Variants in TRMT1L observed in about 807,000 individuals in gnomAD.
TRMT1L encodes the protein tRNA (guanine(27)-N(2))-dimethyltransferase.
Under a neutral mutation model 81.6 loss-of-function variants are expected in TRMT1L, and 28 were observed. That is an observed-to-expected ratio of 0.34 (90% CI 0.25 to 0.47). The LOEUF is 0.47. Among genes scored for constraint, TRMT1L ranks in the 20% least tolerant of loss-of-function variants. TRMT1L has a pLI of 1.00. For missense variants in TRMT1L, 739 were observed against 877.1 expected (o/e 0.84, Z 1.99); for synonymous variants, 301 against 303.2 (o/e 0.99, Z 0.07).
chr1:185,156,053 G>A (rs1653533746), intron 1 of TRMT1L, among the ~76,000 whole-genome samples: 1 of 152,208 alleles, frequency 6.6e-6, no homozygotes, highest in South Asian at 2.1e-4. Flanking sequence ...GTTTAGAAAT[G>A]TTGGCAGCTA....
At chr1:185,145,602 C>A in intron 4 of TRMT1L, 34 bp from the exon 5 acceptor site, 2 of 1,599,602 alleles carry the variant, frequency 1.3e-6, no homozygotes, top group Non-Finnish European at 1.7e-6. Flanking sequence ...AAATAAGTTG[C>A]TAAGACAATG....
chr1:185,148,976 T>C (rs1286163515), intron 3 of TRMT1L, among the ~76,000 whole-genome samples: 1 of 152,216 alleles, frequency 6.6e-6, no homozygotes, highest in Non-Finnish European at 1.5e-5. Flanking sequence ...GCTCACATAA[T>C]CATATACAAA....
rs755911496 is a variant in TRMT1L at position 185,120,045 on chromosome 1, C to A, written c.2176G>T (p.Glu726Ter). The change falls in exon 15 of 15, where the codon GAA becomes TAA. Residue 726 changes from glutamate (E) to a stop codon, truncating the protein, a stop_gained. Transcript: ENST00000367506. LOFTEE classifies it high-confidence loss of function. ...TACCATCTTCTGCAGCCACTTGCTTCTGCTTTGTCATTCACTGACATTTCA... is the reference window on the plus strand; with the variant it reads ...TACCATCTTCTGCAGCCACTTGCTTATGCTTTGTCATTCACTGACATTTCA... ...RVEMSVNDKAEASGCRRW is the reference protein window; with the variant it reads ...RVEMSVNDKA 6.2e-7 allele frequency: 1 copy of A among 1,613,772 alleles called. No homozygotes were observed. Among genetic ancestry groups the A allele is most frequent in the East Asian group, 2.2e-5 (1 of 44,882 alleles).
chr1:185,120,611 T>G lies in TRMT1L; in HGVS notation c.1823-102A>C, dbSNP rs1242242293. 3.0e-6 allele frequency: 3 copies of G among 1,011,966 alleles called. No homozygotes were observed. In the African/African-American group the frequency reaches 5.0e-5, roughly 17 times the overall value. The allele number at this position is 1,011,966 out of a possible 1,614,324, so 62.7% of individuals were successfully genotyped here. ...CAAGTATAAATCCTGACACATTATT[T>G]CAACCTGACTATCCAATCTTAATTC... On this transcript the variant is annotated intron_variant, in intron 13 of 14. Transcript: ENST00000367506.
intron 1 of TRMT1L, among the ~76,000 whole-genome samples, 175 bp from the exon 2 acceptor site, chr1:185,152,110 G>C (rs1653373781): frequency 2.0e-5 from 3 of 152,178 alleles, no homozygotes; most frequent in Non-Finnish European, 2.9e-5. Flanking sequence ...TGAAAAGTTG[G>C]GGGGAGACCC....
intron 11 of TRMT1L, among the ~76,000 whole-genome samples, 191 bp from the exon 12 acceptor site, chr1:185,125,301 T>TA (rs1182960353): frequency 6.6e-6 from 1 of 152,122 alleles, no homozygotes. Flanking sequence ...TTTTTTGAGA[T>TA]AGAGTCCCGT....
chr1:185,121,509 T>A (rs1168937498), intron 13 of TRMT1L, among the ~76,000 whole-genome samples: 2 of 151,944 alleles, frequency 1.3e-5, no homozygotes, highest in African/African-American at 4.8e-5. Flanking sequence ...AAAATAAATA[T>A]AAATTATTGC....
intron 5 of TRMT1L, 83 bp from the exon 6 acceptor site, chr1:185,144,112 G>A (rs2102250275): frequency 2.4e-6 from 3 of 1,270,984 alleles, no homozygotes; most frequent in Non-Finnish European, 2.1e-6. Flanking sequence ...CAAAATAATT[G>A]TAAACATCTA....
chr1:185,152,636 G>A (rs1653391908), intron 1 of TRMT1L, among the ~76,000 whole-genome samples: 1 of 152,088 alleles, frequency 6.6e-6, no homozygotes, highest in Non-Finnish European at 1.5e-5. Flanking sequence ...GAGAAAATTA[G>A]CAATGGGAAG....
At chr1:185,120,329 CAAT>C in intron 14 of TRMT1L, 51 bp downstream of exon 14, 3 of 1,464,424 alleles carry the variant, frequency 2.0e-6, no homozygotes, top group South Asian at 1.6e-5. Context: ...ATTTAAATCA[CAAT>C]ATTATTAAAA....
chr1:185,126,571 TAAGATATAC>T (rs1239198215), intron 11 of TRMT1L, among the ~76,000 whole-genome samples: 1 of 152,200 alleles, frequency 6.6e-6, no homozygotes, highest in Non-Finnish European at 1.5e-5. Context: ...GTGATCAATA[TAAGATATAC>T]TAAAGGGAAT....
At chr1:185,157,432 T>C (rs1653692522), upstream of TRMT1L, 10 of 151,888 alleles carry the variant, frequency 6.6e-5, no homozygotes, top group Admixed American at 6.6e-4. Flanking sequence ...CACACGGACC[T>C]GGGCGGGGCG....
chr1:185,125,192 G>A (rs986020184), intron 11 of TRMT1L, 82 bp from the exon 12 acceptor site: 5 of 955,688 alleles, frequency 5.2e-6, no homozygotes, highest in Non-Finnish European at 7.4e-6. Context: ...TTAACTATAA[G>A]TAAGATATAT....
At chr1:185,149,663 G>A (rs540614235) in intron 3 of TRMT1L, among the ~76,000 whole-genome samples, 17 of 152,048 alleles carry the variant, frequency 1.1e-4, no homozygotes, top group Non-Finnish European at 7.4e-5. Context: ...ATGGATATGC[G>A]TATTTTTAAT....
At chr1:185,132,293 G>A (rs539021357) in intron 10 of TRMT1L, among the ~76,000 whole-genome samples, 15 of 150,310 alleles carry the variant, frequency 1.0e-4, no homozygotes, top group Middle Eastern at 3.8e-3. Context: ...CAAGGAGGGC[G>A]GATCACTTGA....
At chr1:185,120,942 T>C (rs1448759126) in intron 13 of TRMT1L, 1 of 153,204 alleles carries the variant, frequency 6.5e-6, no homozygotes, top group Non-Finnish European at 1.5e-5. Context: ...TTCATTTTTA[T>C]ACCTGTATTT....
chr1:185,156,243 A>G (rs1362686866), intron 1 of TRMT1L, among the ~76,000 whole-genome samples: 2 of 152,230 alleles, frequency 1.3e-5, no homozygotes, highest in African/African-American at 2.4e-5. Flanking sequence ...TTCTATCTGC[A>G]GCATTCCTGC....
intron 10 of TRMT1L, among the ~76,000 whole-genome samples, chr1:185,135,748 T>C (rs1283263303): frequency 6.6e-6 from 1 of 152,000 alleles, no homozygotes; most frequent in East Asian, 1.9e-4. Flanking sequence ...CAAATTATTT[T>C]TGAAGGGAGT....
rs547303931 is a variant in TRMT1L, at chr1:185,152,019, T to C, written c.236-84A>G. Reference sequence around the variant, plus strand: ...ATTGATCACATCGTATAGAAGTTTATTTCCTATAACACAGTGTTATGGACC... The same window carrying C: ...ATTGATCACATCGTATAGAAGTTTACTTCCTATAACACAGTGTTATGGACC... On this transcript the variant is annotated intron_variant, in intron 1 of 14. Coordinates refer to ENST00000367506, the MANE Select transcript of TRMT1L (RefSeq NM_030934.5). 2.6e-5 allele frequency: 21 copies of C among 794,694 alleles called. No individual in the cohort carries two copies. In the South Asian group the frequency reaches 4.3e-4, roughly 16 times the overall value. The allele number at this position is 794,694 out of a possible 1,614,324, so 49.2% of individuals were successfully genotyped here. A position where few individuals can be genotyped will look rare whatever the true frequency, so the allele number is the denominator to read the frequency against.
Sources: allele counts gnomAD v4.1 joint callset (sites outside exome capture counted in the v4.1 genomes callset), GRCh38; gene constraint gnomAD v4.1.1; transcripts MANE v1.5; gene names NCBI Gene and HGNC (gene_info 2026-07-23, HGNC 2026-07-21).